The following SLC9A6 variants were observed in gnomAD, a reference collection of about 807,000 sequenced individuals.
SLC9A6 encodes solute carrier family 9 member A6.
Under a neutral mutation model 45.3 loss-of-function variants are expected in SLC9A6, and 6 were observed. The observed-to-expected ratio is 0.13, with a 90% CI of 0.07 to 0.26. The LOEUF (loss-of-function observed/expected upper bound fraction) is 0.26, where lower values mean the gene tolerates loss of function less well. SLC9A6 is among the 10% of genes least tolerant of loss of function. The pLI is 1.00. For missense variants in SLC9A6, 278 were observed against 503.7 expected, an observed-to-expected ratio of 0.55 and a Z score of 4.29; for synonymous variants, 191 against 187.7, an observed-to-expected ratio of 1.02 and a Z score of -0.14.
chrX:136,013,801 G>A (rs2070968083), intron 10 of SLC9A6, among the ~76,000 whole-genome samples: 1 of 112,153 alleles, frequency 8.9e-6, no homozygotes, highest in Non-Finnish European at 1.9e-5. Context: ...GTTAACTTCT[G>A]ATCTGACCAG....
intron 2 of SLC9A6, among the ~76,000 whole-genome samples, chrX:135,987,794 T>C (rs2089363010): frequency 9.0e-6 from 1 of 111,378 alleles, no homozygotes; most frequent in Non-Finnish European, 1.9e-5. Context: ...CCCATAGGTA[T>C]GTGTGATCTT....
upstream of SLC9A6, among the ~76,000 whole-genome samples, chrX:135,981,343 A>G (rs2089284724): frequency 9.0e-6 from 1 of 111,061 alleles, no homozygotes; most frequent in Non-Finnish European, 1.9e-5. Context: ...CGCACTCACT[A>G]TCACAAGAAC....
At chrX:136,022,546 T>C (rs1373720494) in intron 11 of SLC9A6, 40 bp from the exon 12 acceptor site, 2 of 853,697 alleles carry the variant, frequency 2.3e-6, no homozygotes, top group Admixed American at 2.3e-5. Flanking sequence ...ATAATATTAA[T>C]AGTAAAATGA....
chrX:135,984,225 C>A (rs1017274879), upstream of SLC9A6, among the ~76,000 whole-genome samples: 16 of 111,176 alleles, frequency 1.4e-4, no homozygotes, highest in African/African-American at 4.6e-4. Flanking sequence ...ATCATGAGTT[C>A]CAGGCAGAAT....
At chrX:136,023,508 T>G (rs1381368023) in intron 12 of SLC9A6, among the ~76,000 whole-genome samples, 1 of 109,272 alleles carries the variant, frequency 9.2e-6, no homozygotes, top group Admixed American at 9.9e-5. Context: ...TGGATGAATC[T>G]CAGAGGCATT....
intron 2 of SLC9A6, 34 bp from the exon 3 acceptor site, chrX:135,994,752 C>T (rs782091123): frequency 2.0e-4 from 241 of 1,181,846 alleles, no homozygotes; most frequent in Non-Finnish European, 2.6e-4. Flanking sequence ...TGGTCTCTGT[C>T]GGCAAGAAGA....
chrX:135,979,668 T>C (rs1556613720), intron 1 of SLC9A6, among the ~76,000 whole-genome samples: 2 of 112,460 alleles, frequency 1.8e-5, no homozygotes, highest in African/African-American at 6.5e-5. Context: ...ACTTTCCATA[T>C]GCATTCCTAC....
intron 11 of SLC9A6, among the ~76,000 whole-genome samples, chrX:136,022,330 T>A (rs1467255894): frequency 8.9e-6 from 1 of 112,196 alleles, no homozygotes; most frequent in Admixed American, 9.5e-5. Flanking sequence ...TTTGAAGTAA[T>A]TAAAATGAAA....
At chrX:136,023,049 A>C (rs1012965437) in intron 12 of SLC9A6, among the ~76,000 whole-genome samples, 2 of 103,240 alleles carry the variant, frequency 1.9e-5, no homozygotes, top group Non-Finnish European at 3.9e-5. Context: ...GACCTCAAGT[A>C]ATCCACCCAC....
At chrX:135,996,619 A>G (rs988654434) in intron 3 of SLC9A6, among the ~76,000 whole-genome samples, 11 of 111,855 alleles carry the variant, frequency 9.8e-5, no homozygotes, top group African/African-American at 3.2e-4. Flanking sequence ...TTTTACTACA[A>G]TATTATACAA....
chrX:136,045,323 C>T lies in SLC9A6; in HGVS notation c.*599C>T, dbSNP rs186403668. 8.8e-4 allele frequency: 102 copies of T among 116,319 alleles called. No homozygotes were observed. The highest frequency in any genetic ancestry group is 1.3e-3 in the Non-Finnish European group (72 of 55,810). The allele number at this position is 116,319 out of a possible 1,213,427, so 9.6% of individuals were successfully genotyped here. On this transcript the variant is annotated 3_prime_UTR_variant, in exon 18 of 18. Coordinates refer to ENST00000630721, the MANE Select transcript of SLC9A6 (RefSeq NM_001379110.1). ...CCTTTTCCCCCGCTTGCTGTGAAAG[C>T]ACAGATTCATTGACTACAGTACACT... is the stretch of plus-strand genomic sequence containing the variant.
At chrX:135,995,282 C>A (rs1296170919) in intron 3 of SLC9A6, among the ~76,000 whole-genome samples, 1 of 111,574 alleles carries the variant, frequency 9.0e-6, no homozygotes, top group Non-Finnish European at 1.9e-5. Context: ...CGTTTCTTTC[C>A]ATTTGCAGAT....
chrX:135,987,396 C>A (rs115123069), intron 2 of SLC9A6, among the ~76,000 whole-genome samples: 8,072 of 111,380 alleles, frequency 0.072, 303 homozygotes, highest in African/African-American at 0.15. Flanking sequence ...GCCTTCAAGT[C>A]ACTTATAGGC....
At chrX:135,994,257 A>T (rs1355278748) in intron 2 of SLC9A6, among the ~76,000 whole-genome samples, 1 of 109,389 alleles carries the variant, frequency 9.1e-6, no homozygotes, top group Non-Finnish European at 1.9e-5. Flanking sequence ...GGCGCCCGCC[A>T]CCACGCCCGG....
chrX:136,020,128 T>C (rs2071094881), intron 11 of SLC9A6, among the ~76,000 whole-genome samples: 1 of 111,452 alleles, frequency 9.0e-6, no homozygotes, highest in Non-Finnish European at 1.9e-5. Flanking sequence ...TTGGTTGAGA[T>C]AGTGTTTGTC....
intron 8 of SLC9A6, among the ~76,000 whole-genome samples, chrX:136,011,262 C>T (rs1192264158): frequency 8.9e-6 from 1 of 112,176 alleles, no homozygotes; most frequent in Non-Finnish European, 1.9e-5. Flanking sequence ...TTTTTTGAGA[C>T]GGAGTCTCAC....
chrX:136,021,046 T>C (rs1258109465), intron 11 of SLC9A6, among the ~76,000 whole-genome samples: 1 of 110,536 alleles, frequency 9.0e-6, no homozygotes, highest in African/African-American at 3.3e-5. Flanking sequence ...CTTGGTGTCT[T>C]TGCTTCTAGG....
At position 136,045,845 on chromosome X, in the gene SLC9A6, G is replaced by C. The variant is rs1420167318; in HGVS notation, c.*1121G>C. The C allele has an allele frequency of 8.9e-6, 1 of 111,916 alleles. No individual in the cohort carries two copies. The highest frequency in any genetic ancestry group is 3.3e-5 in the African/African-American group (1 of 30,741). 9.2% of individuals were successfully genotyped at this position (111,916 alleles called of 1,213,427 possible). On this transcript the variant is annotated 3_prime_UTR_variant, in exon 18 of 18. Transcript: ENST00000630721. Reference sequence around the variant, plus strand: ...GTCATAAGAGAAATCGAATATTCTGGAGCACTGATTGCAGCAGGGTGGCTC... The same window carrying C: ...GTCATAAGAGAAATCGAATATTCTGCAGCACTGATTGCAGCAGGGTGGCTC...
At chrX:135,997,012 C>G (rs1038496494) in intron 3 of SLC9A6, among the ~76,000 whole-genome samples, 3 of 110,601 alleles carry the variant, frequency 2.7e-5, no homozygotes, top group African/African-American at 9.9e-5. Context: ...GTGATCCGCC[C>G]GCCTTGGCCT....
Sources: allele counts gnomAD v4.1 joint callset (sites outside exome capture counted in the v4.1 genomes callset), GRCh38; gene constraint gnomAD v4.1.1; transcripts MANE v1.5; gene names NCBI Gene and HGNC (gene_info 2026-07-23, HGNC 2026-07-21).